ADGRV1: variants seen among roughly 807,000 people sequenced by gnomAD.
ADGRV1 encodes adhesion G protein-coupled receptor V1, also known as G-protein coupled receptor 98.
Under a neutral mutation model 596.2 loss-of-function variants are expected in ADGRV1, and 359 were observed. The observed-to-expected ratio is 0.60, with a 90% CI of 0.55 to 0.66. The LOEUF (loss-of-function observed/expected upper bound fraction) is 0.66, where lower values mean the gene tolerates loss of function less well. Among genes scored for constraint, ADGRV1 ranks in the 30% least tolerant of loss-of-function variants. The probability of loss-of-function intolerance (pLI) is 0.00; values close to 1 mark genes in which losing one functional copy is unlikely to be tolerated. For synonymous variants in ADGRV1, 2,681 were observed against 2,679.2 expected, an observed-to-expected ratio of 1.00 and a Z score of -0.02; for missense variants, 7,274 against 7,575.6, an observed-to-expected ratio of 0.96 and a Z score of 1.48.
chr5:91,090,619 G>A (rs1790303999), intron 86 of ADGRV1, among the ~76,000 whole-genome samples: 1 of 151,422 alleles, frequency 6.6e-6, no homozygotes, highest in Non-Finnish European at 1.5e-5. Context: ...TCACTTCTCT[G>A]CCTGCAGATC....
At chr5:91,014,140 A>C (rs1031890319) in intron 85 of ADGRV1, among the ~76,000 whole-genome samples, 1 of 136,614 alleles carries the variant, frequency 7.3e-6, no homozygotes, top group East Asian at 2.1e-4. Context: ...CAATTGCCAC[A>C]CACACACACA....
intron 83 of ADGRV1, among the ~76,000 whole-genome samples, chr5:90,928,297 A>G (rs1774745647): frequency 6.6e-6 from 1 of 151,982 alleles, no homozygotes; most frequent in Non-Finnish European, 1.5e-5. Context: ...GTCTTTTCAC[A>G]TAGTCTCATA....
At chr5:90,854,276 A>G (rs1766814380) in intron 81 of ADGRV1, 75 bp downstream of exon 81, 4 of 1,101,552 alleles carry the variant, frequency 3.6e-6, no homozygotes, top group Non-Finnish European at 5.1e-6. Context: ...AATGTTTTGT[A>G]CTGAGCATAG....
At chr5:90,674,310 C>A in intron 23 of ADGRV1, 76 bp downstream of exon 23, 2 of 1,193,222 alleles carry the variant, frequency 1.7e-6, no homozygotes, top group Non-Finnish European at 2.2e-6. Context: ...TCTTAAGGCA[C>A]TTTTTGCAAA....
Position 90,810,216 on chromosome 5 carries a change from T to C in ADGRV1, c.14973-17T>C, listed in dbSNP as rs1762310828. The C allele has an allele frequency of 7.9e-6, 12 of 1,517,038 alleles. No individual in the cohort carries two copies. The highest frequency in any genetic ancestry group is 8.8e-7 in the Non-Finnish European group (1 of 1,132,518). The allele number at this position is 1,517,038 out of a possible 1,614,324, so 94.0% of individuals were successfully genotyped here. A position where few individuals can be genotyped will look rare whatever the true frequency, so the allele number is the denominator to read the frequency against. On this transcript the variant is annotated splice_polypyrimidine_tract_variant and intron_variant, in intron 73 of 89. Coordinates refer to ENST00000405460, the MANE Select transcript of ADGRV1 (RefSeq NM_032119.4). Reference sequence around the variant, plus strand: ...TTTTAAAAAATCAATTTCTTCATGATTTAATTTTTTTCCCAGATCAGGTTT... The same window carrying C: ...TTTTAAAAAATCAATTTCTTCATGACTTAATTTTTTTCCCAGATCAGGTTT...
chr5:90,894,246 G>A (rs1419782132), intron 83 of ADGRV1, among the ~76,000 whole-genome samples: 1 of 152,052 alleles, frequency 6.6e-6, no homozygotes, highest in Non-Finnish European at 1.5e-5. Flanking sequence ...TTTTGGCAAA[G>A]GTTTTCATCA....
rs939296170 is a variant in ADGRV1, at chr5:90,733,624, C to T, written c.10549+3860C>T. Among the ~76,000 whole-genome samples the T allele has an allele frequency of 1.8e-4, 27 of 151,966 alleles. 1 individual carries two copies. Among genetic ancestry groups the T allele is most frequent in the Admixed American group, 1.4e-3 (22 of 15,264 alleles). On this transcript the variant is annotated intron_variant, in intron 50 of 89. Coordinates refer to ENST00000405460, the MANE Select transcript of ADGRV1 (RefSeq NM_032119.4). The stretch of plus-strand genomic sequence containing the variant: ...CACCTCAACTACTGACCAGGAATCA[C>T]GGTTATTTATGTCTAACTTTTAAAT...
At chr5:90,866,281 A>G (rs1400947854) in intron 83 of ADGRV1, among the ~76,000 whole-genome samples, 1 of 148,494 alleles carries the variant, frequency 6.7e-6, no homozygotes, top group African/African-American at 2.5e-5. Context: ...AAATATGTAG[A>G]CTATTATAAC....
At chr5:90,925,732 A>G (rs1774368547) in intron 83 of ADGRV1, among the ~76,000 whole-genome samples, 1 of 138,580 alleles carries the variant, frequency 7.2e-6, no homozygotes, top group African/African-American at 2.7e-5. Context: ...GAATGCTTCC[A>G]GTTTTTGCCC....
At chr5:91,084,302 TAGG>T (rs1789670872) in intron 86 of ADGRV1, among the ~76,000 whole-genome samples, 1 of 151,986 alleles carries the variant, frequency 6.6e-6, no homozygotes, top group Non-Finnish European at 1.5e-5. Context: ...ACCTACAGAA[TAGG>T]AGAAAAATTT....
chr5:90,920,229 T>C (rs978806571), intron 83 of ADGRV1, among the ~76,000 whole-genome samples: 10 of 152,108 alleles, frequency 6.6e-5, no homozygotes, highest in African/African-American at 2.4e-4. Flanking sequence ...TGTGTCCTTA[T>C]GTGGCTGAAA....
chr5:91,094,071 C>T (rs537621000), intron 86 of ADGRV1, among the ~76,000 whole-genome samples: 12 of 152,010 alleles, frequency 7.9e-5, no homozygotes, highest in African/African-American at 2.9e-4. Flanking sequence ...AGGACAGTCT[C>T]GAGCTCCTGG....
intron 50 of ADGRV1, among the ~76,000 whole-genome samples, chr5:90,744,627 A>G (rs549567324): frequency 3.9e-4 from 59 of 152,294 alleles, no homozygotes; most frequent in African/African-American, 1.4e-3. Flanking sequence ...TTTTGTATTT[A>G]TACTGTTTAT....
intron 56 of ADGRV1, 130 bp from the exon 57 acceptor site, chr5:90,756,849 T>A: frequency 1.3e-6 from 1 of 799,792 alleles, no homozygotes. Context: ...TATGCATACT[T>A]ATATCTGACT....
intron 87 of ADGRV1, among the ~76,000 whole-genome samples, chr5:91,125,505 CA>C (rs1793674026): frequency 1.3e-5 from 2 of 152,160 alleles, no homozygotes; most frequent in Admixed American, 1.3e-4. Context: ...ATCCAGGCGA[CA>C]CTAGTCTTGG....
chr5:91,096,136 A>G (rs989464012), intron 86 of ADGRV1, among the ~76,000 whole-genome samples: 1 of 152,176 alleles, frequency 6.6e-6, no homozygotes, highest in African/African-American at 2.4e-5. Context: ...AGCACATTCC[A>G]AATTGTTAGT....
At chr5:90,977,056 C>A (rs1202821421) in intron 84 of ADGRV1, among the ~76,000 whole-genome samples, 1 of 152,092 alleles carries the variant, frequency 6.6e-6, no homozygotes, top group Non-Finnish European at 1.5e-5. Context: ...TACTTAGTGC[C>A]AGAGCATAGC....
At chr5:90,979,664 A>T (rs1036029757) in intron 84 of ADGRV1, among the ~76,000 whole-genome samples, 35 of 152,208 alleles carry the variant, frequency 2.3e-4, no homozygotes, top group African/African-American at 8.0e-4. Flanking sequence ...CTAAAAAAAC[A>T]TAGTCTGCAT....
intron 83 of ADGRV1, among the ~76,000 whole-genome samples, chr5:90,877,105 A>C (rs1309148028): frequency 1.3e-5 from 2 of 152,216 alleles, no homozygotes; most frequent in Non-Finnish European, 2.9e-5. Context: ...ATCTTATAGC[A>C]ATAAAAATGC....
Sources: gnomAD v4.1 joint callset for allele counts (sites outside exome capture counted in the v4.1 genomes callset) on GRCh38, gnomAD v4.1.1 for gene constraint, MANE v1.5 for transcripts, NCBI Gene and HGNC (gene_info 2026-07-23, HGNC 2026-07-21) for gene names.